Variants in SPATA3 observed in about 807,000 individuals in gnomAD.
SPATA3 encodes the protein spermatogenesis-associated protein 3.
In SPATA3, 6 loss-of-function variants were observed where a neutral mutation model predicts 5.7. That is an observed-to-expected ratio of 1.06 (90% CI 0.58 to 2.09). SPATA3 has a LOEUF of 2.09. SPATA3 is among the 30% of genes most tolerant of loss of function. The pLI, the probability that SPATA3 is intolerant of heterozygous loss-of-function variation, is 0.00. For synonymous variants in SPATA3, 44 were observed against 48.4 expected (o/e 0.91, Z 0.37); for missense variants, 155 against 130.4 (o/e 1.19, Z -0.92).
downstream of SPATA3, among the ~76,000 whole-genome samples, chr2:231,005,340 C>CACCAT (rs1559197706): frequency 0.09 from 4,744 of 52,604 alleles, 173 homozygotes; most frequent in South Asian, 0.25. Context: ...ATCACCATCA[C>CACCAT]CATCATCACC....
chr2:231,011,435 G>A (rs1316240674), downstream of SPATA3, among the ~76,000 whole-genome samples: 1 of 152,152 alleles, frequency 6.6e-6, no homozygotes, highest in South Asian at 2.1e-4. Flanking sequence ...GTTGGTCCCT[G>A]TATAGTGATC....
At chr2:231,005,511 C>T (rs771448958), downstream of SPATA3, among the ~76,000 whole-genome samples, 12 of 948 alleles carry the variant, frequency 0.013, no homozygotes, top group South Asian at 0.056. Context: ...ATCACCACCA[C>T]CACCATCACC....
chr2:231,016,617 G>A (rs906880), intron 6 of SPATA3, among the ~76,000 whole-genome samples: 9,380 of 152,088 alleles, frequency 0.062, 654 homozygotes, highest in African/African-American at 0.16. Flanking sequence ...CTTGGAAGGC[G>A]GAGGTTGCAG....
downstream of SPATA3, among the ~76,000 whole-genome samples, chr2:231,005,999 A>AT (rs1692609297): frequency 1.4e-5 from 1 of 70,108 alleles, no homozygotes; most frequent in African/African-American, 6.0e-5. Flanking sequence ...CCTTGTCTCT[A>AT]CAAAAAAAAA....
chr2:230,998,264 C>A (rs1692205886), intron 1 of SPATA3, among the ~76,000 whole-genome samples: 1 of 152,200 alleles, frequency 6.6e-6, no homozygotes, highest in African/African-American at 2.4e-5. Context: ...TGCCAATGAT[C>A]CTTCCATGGC....
At chr2:231,005,492 A>G, downstream of SPATA3, among the ~76,000 whole-genome samples, 1 of 147,956 alleles carries the variant, frequency 6.8e-6, no homozygotes, top group African/African-American at 2.5e-5. Flanking sequence ...CACCACCATC[A>G]CCACCATCAT....
At chr2:231,018,109 G>A (rs1692977361) in intron 6 of SPATA3, among the ~76,000 whole-genome samples, 1 of 151,938 alleles carries the variant, frequency 6.6e-6, no homozygotes, top group Non-Finnish European at 1.5e-5. Context: ...ATTTTTAGTA[G>A]AGATGGGGTT....
In SPATA3 at chr2:231,019,516, G is replaced by A. The variant is rs182356767; in HGVS notation, c.*566-204G>A. Among the ~76,000 whole-genome samples, 9 of 149,512 alleles carry A rather than the reference G, an allele frequency of 6.0e-5. 1 individual carries two copies. The East Asian group carries it at 8.4e-4, about 14-fold the overall frequency. The stretch of plus-strand genomic sequence containing the variant: ...TTTTTTTGTATTTTTAGTAGAGATG[G>A]GGTTTCACCGTGTTAGCCGGGATGG... On this transcript the variant is annotated intron_variant, in intron 6 of 8. Transcript: ENST00000452881.
chr2:231,017,985 C>T (rs1290911251), intron 6 of SPATA3, among the ~76,000 whole-genome samples: 2 of 151,722 alleles, frequency 1.3e-5, no homozygotes, highest in African/African-American at 4.8e-5. Context: ...AGTGCAGTGG[C>T]ACAATCTCAG....
chr2:230,998,796 G>T (rs1369315953), intron 1 of SPATA3, among the ~76,000 whole-genome samples: 3 of 152,230 alleles, frequency 2.0e-5, no homozygotes, highest in African/African-American at 4.8e-5. Flanking sequence ...AAATGGTGCA[G>T]CTGCTGTGGA....
downstream of SPATA3, among the ~76,000 whole-genome samples, chr2:231,010,216 G>A (rs936084950): frequency 7.9e-5 from 12 of 152,214 alleles, no homozygotes; most frequent in Non-Finnish European, 1.6e-4. Context: ...GTGTACACAT[G>A]GGAGCCTTCA....
At chr2:230,997,782 T>C (rs977275543) in intron 1 of SPATA3, among the ~76,000 whole-genome samples, 1 of 152,248 alleles carries the variant, frequency 6.6e-6, no homozygotes, top group Non-Finnish European at 1.5e-5. Context: ...GGAGGTGGGC[T>C]GGTTTATACT....
intron 2 of SPATA3, among the ~76,000 whole-genome samples, chr2:231,001,324 G>A (rs964250718): frequency 7.2e-5 from 11 of 152,040 alleles, no homozygotes; most frequent in Admixed American, 1.3e-4. Context: ...CCACCTGAGG[G>A]CCTCACAGAT....
intron 5 of SPATA3, among the ~76,000 whole-genome samples, chr2:231,013,536 G>C (rs1250330989): frequency 6.6e-6 from 1 of 151,774 alleles, no homozygotes; most frequent in Admixed American, 6.6e-5. Context: ...TGTTGCCCAG[G>C]CTGGAGTGCA....
downstream of SPATA3, among the ~76,000 whole-genome samples, chr2:231,003,419 G>GT (rs397824183): frequency 6.6e-6 from 1 of 152,066 alleles, no homozygotes; most frequent in Non-Finnish European, 1.5e-5. Flanking sequence ...GAATGGACAG[G>GT]TTTATTGAGG....
At chr2:231,008,689 A>G (rs1439184161), downstream of SPATA3, among the ~76,000 whole-genome samples, 2 of 152,230 alleles carry the variant, frequency 1.3e-5, no homozygotes, top group Non-Finnish European at 2.9e-5. Flanking sequence ...CAGCTTCTGG[A>G]CTGAAGACAC....
intron 6 of SPATA3, among the ~76,000 whole-genome samples, chr2:231,015,400 T>C (rs1475265836): frequency 6.6e-6 from 1 of 151,724 alleles, no homozygotes; most frequent in Non-Finnish European, 1.5e-5. Flanking sequence ...GTCTTTGGAA[T>C]GCCAACGCAG....
chr2:231,019,171 A>T (rs6715949), intron 6 of SPATA3, among the ~76,000 whole-genome samples: 2 of 149,248 alleles, frequency 1.3e-5, no homozygotes, highest in Non-Finnish European at 3.0e-5. Context: ...GGGTTTCACC[A>T]TGTTAGCCAG....
intron 6 of SPATA3, among the ~76,000 whole-genome samples, chr2:231,019,370 C>CT (rs752355345): frequency 6.6e-6 from 1 of 150,428 alleles, no homozygotes; most frequent in Non-Finnish European, 1.5e-5. Flanking sequence ...GTTGCCCAGG[C>CT]TGGAGTGCAG....
Sources: gnomAD v4.1 joint callset for allele counts (sites outside exome capture counted in the v4.1 genomes callset) on GRCh38, gnomAD v4.1.1 for gene constraint, MANE v1.5 for transcripts, NCBI Gene and HGNC (gene_info 2026-07-23, HGNC 2026-07-21) for gene names.